The following SP140L variants were observed in gnomAD, a reference collection of about 807,000 sequenced individuals.
SP140L encodes SP140 like nuclear body protein.
In SP140L, 64 loss-of-function variants were observed where a neutral mutation model predicts 84.3. That is an observed-to-expected ratio of 0.76 (90% CI 0.62 to 0.94). SP140L has a LOEUF of 0.94. Ranked by LOEUF, SP140L falls within the 40% of genes least tolerant of loss-of-function variation. SP140L has a pLI of 0.00. For missense variants in SP140L, 628 were observed against 692.5 expected (o/e 0.91, Z 1.05); for synonymous variants, 242 against 236.9 (o/e 1.02, Z -0.20).
At position 230,358,979 on chromosome 2, in the gene SP140L, T is replaced by C. The variant is rs753481632; in HGVS notation, c.286T>C (p.Cys96Arg). 4 of 1,584,646 alleles carry C rather than the reference T, an allele frequency of 2.5e-6. No homozygotes were observed. The East Asian group carries it at 9.0e-5, about 36-fold the overall frequency. The part of the protein sequence containing the change: ...NKMFEDSEDS[C>R]RNLVPVQRVV... ...ATTTTTAAAGGATTCTGAAGATTCT[T>C]GTAGAAACCTGGTCCCTGTACAAAG... The change falls in exon 4 of 19, where the codon TGT becomes CGT. Residue 96 changes from cysteine to arginine, a missense_variant. Around this residue, in one of 4 missense-constraint regions of SP140L, gnomAD observed 525 missense variants for 518.4 expected, o/e 1.01. Coordinates refer to ENST00000415673, the MANE Select transcript of SP140L (RefSeq NM_138402.6).
At chr2:230,357,371 TTTTTA>T (rs1279932759) in intron 2 of SP140L, among the ~76,000 whole-genome samples, 1 of 152,214 alleles carries the variant, frequency 6.6e-6, no homozygotes, top group East Asian at 1.9e-4. Context: ...GGACATCTTA[TTTTTA>T]TTTTGTCAAA....
At chr2:230,363,847 T>C (rs1356695099) in intron 5 of SP140L, among the ~76,000 whole-genome samples, 1 of 152,186 alleles carries the variant, frequency 6.6e-6, no homozygotes, top group Non-Finnish European at 1.5e-5. Context: ...GATTTTTTAA[T>C]ATGGCATGAA....
chr2:230,368,800 T>C (rs546276358), intron 5 of SP140L, among the ~76,000 whole-genome samples: 1 of 152,360 alleles, frequency 6.6e-6, no homozygotes, highest in African/African-American at 2.4e-5. Flanking sequence ...TCTGTTTCTT[T>C]TTAAAAATAA....
chr2:230,369,988 G>A (rs909635712), intron 5 of SP140L, among the ~76,000 whole-genome samples: 2 of 147,994 alleles, frequency 1.4e-5, no homozygotes, highest in Non-Finnish European at 2.9e-5. Flanking sequence ...TGGCCAGGCT[G>A]GTCTTGAATT....
intron 2 of SP140L, among the ~76,000 whole-genome samples, chr2:230,342,850 T>G (rs2060098748): frequency 6.6e-6 from 1 of 152,214 alleles, no homozygotes; most frequent in Non-Finnish European, 1.5e-5. Flanking sequence ...AGTCTGAGTT[T>G]TGTTGATCTT....
chr2:230,359,207 C>T, intron 4 of SP140L, 75 bp downstream of exon 4: 4 of 1,292,824 alleles, frequency 3.1e-6, no homozygotes, highest in South Asian at 1.2e-5. Context: ...GAGCTCCTAC[C>T]ATGTGCGATA....
At chr2:230,390,467 A>T (rs1486919483) in intron 11 of SP140L, among the ~76,000 whole-genome samples, 1 of 152,222 alleles carries the variant, frequency 6.6e-6, no homozygotes, top group Admixed American at 6.5e-5. Flanking sequence ...TGACTGTTCC[A>T]TTCTGAGTAG....
chr2:230,396,880 G>C (rs575824119), intron 14 of SP140L, 82 bp downstream of exon 14: 1 of 1,538,404 alleles, frequency 6.5e-7, no homozygotes, highest in Admixed American at 1.7e-5. Context: ...GACTGCTGTT[G>C]CCTGAAGCAT....
chr2:230,350,916 A>G (rs933747949), intron 2 of SP140L, among the ~76,000 whole-genome samples: 1 of 152,214 alleles, frequency 6.6e-6, no homozygotes, highest in Non-Finnish European at 1.5e-5. Flanking sequence ...CCCTAAGGCT[A>G]GAGTATGTCT....
At chr2:230,398,667 C>T (rs74269019) in intron 14 of SP140L, among the ~76,000 whole-genome samples, 23,406 of 152,238 alleles carry the variant, frequency 0.15, 2,008 homozygotes, top group South Asian at 0.36. Context: ...AAATCCAGAT[C>T]ACGGGAGAAG....
intron 8 of SP140L, 104 bp from the exon 9 acceptor site, chr2:230,385,120 G>A: frequency 4.6e-6 from 5 of 1,075,434 alleles, no homozygotes; most frequent in Non-Finnish European, 6.9e-6. Context: ...CTGCTCGAGG[G>A]GATCCAGAGT....
At chr2:230,385,786 C>A (rs759634604) in intron 9 of SP140L, among the ~76,000 whole-genome samples, 1 of 152,306 alleles carries the variant, frequency 6.6e-6, no homozygotes, top group Non-Finnish European at 1.5e-5. Flanking sequence ...CAGTTTAAAG[C>A]ACCTTCCCTC....
intron 5 of SP140L, among the ~76,000 whole-genome samples, chr2:230,365,065 G>A (rs2060825577): frequency 1.3e-5 from 2 of 151,920 alleles, no homozygotes; most frequent in Non-Finnish European, 2.9e-5. Flanking sequence ...GTTTATCAGG[G>A]ATATCAGGGA....
intron 15 of SP140L, chr2:230,400,660 A>T (rs1319912044): frequency 5.1e-6 from 3 of 593,512 alleles, no homozygotes; most frequent in Admixed American, 3.1e-5. Context: ...TTTCTGACAC[A>T]CAGGCCTGGC....
chr2:230,362,054 A>G (rs1477983278), intron 5 of SP140L, among the ~76,000 whole-genome samples: 1 of 152,214 alleles, frequency 6.6e-6, no homozygotes, highest in Non-Finnish European at 1.5e-5. Flanking sequence ...CCCATGGTCA[A>G]CATCAAAGAG....
At chr2:230,399,552 G>T (rs544883908) in intron 14 of SP140L, among the ~76,000 whole-genome samples, 1 of 152,294 alleles carries the variant, frequency 6.6e-6, no homozygotes, top group East Asian at 1.9e-4. Context: ...TGTGCTCCCT[G>T]TGGCCCACCT....
intron 2 of SP140L, among the ~76,000 whole-genome samples, chr2:230,335,926 T>C (rs1349106579): frequency 6.6e-6 from 1 of 152,198 alleles, no homozygotes; most frequent in Non-Finnish European, 1.5e-5. Context: ...AGAAGATTTA[T>C]TGCAGCGTGA....
chr2:230,388,632 A>G lies in SP140L; in HGVS notation c.858A>G (p.Arg286=). Residue 286 remains arginine, a splice_region_variant and synonymous_variant, in exon 10 of 19, where the codon AGA becomes AGG. Transcript: ENST00000415673. The part of the protein sequence containing the change: ...DRAPQKRVRS[R]ASRKHKDETV... ...CTCCACAGAAAAGAGTCCGATCAAGAGGTAAAAAAGAAAAGAGGAATGCAC... is the reference window on the plus strand; with the variant it reads ...CTCCACAGAAAAGAGTCCGATCAAGGGGTAAAAAAGAAAAGAGGAATGCAC... 1 of 1,604,760 alleles carries G rather than the reference A, an allele frequency of 6.2e-7. No homozygotes were observed. Among genetic ancestry groups the G allele is most frequent in the Non-Finnish European group, 8.5e-7 (1 of 1,176,236 alleles).
intron 5 of SP140L, among the ~76,000 whole-genome samples, chr2:230,365,388 A>G (rs6740724): frequency 0.27 from 40,635 of 151,890 alleles, 7,654 homozygotes; most frequent in East Asian, 0.57. Flanking sequence ...CTGTCTAGGA[A>G]TTTACCCATT....
Sources: allele counts gnomAD v4.1 joint callset (sites outside exome capture counted in the v4.1 genomes callset), GRCh38; gene constraint gnomAD v4.1.1; regional missense constraint gnomAD v4.1.1; transcripts MANE v1.5; gene names NCBI Gene and HGNC (gene_info 2026-07-23, HGNC 2026-07-21).